SLC26A9: variants seen among roughly 807,000 people sequenced by gnomAD.
SLC26A9 encodes anion transporter/exchanger protein 9.
SLC26A9 carries 46 observed loss-of-function variants against 87.1 expected under a neutral mutation model. That is an observed-to-expected ratio of 0.53 (90% CI 0.42 to 0.67). The LOEUF is 0.67. SLC26A9 is among the 30% of genes least tolerant of loss of function. The probability of loss-of-function intolerance (pLI) is 0.00; values close to 1 mark genes in which losing one functional copy is unlikely to be tolerated. For missense variants in SLC26A9, 927 were observed against 1,018.3 expected, an observed-to-expected ratio of 0.91 and a Z score of 1.22; for synonymous variants, 437 against 409.1, an observed-to-expected ratio of 1.07 and a Z score of -0.82.
intron 16 of SLC26A9, among the ~76,000 whole-genome samples, chr1:205,922,374 T>G (rs543906423): frequency 2.8e-4 from 43 of 152,310 alleles, no homozygotes; most frequent in African/African-American, 1.0e-3. Context: ...CCTGAACTCA[T>G]GAGAGTGATT....
In SLC26A9 at chr1:205,915,308, G is replaced by A; in HGVS notation, c.*49C>T. On this transcript the variant is annotated 3_prime_UTR_variant, in exon 21 of 21. Coordinates refer to ENST00000367135, the MANE Select transcript of SLC26A9 (RefSeq NM_052934.4). ...GACCCCAGGCTCATCCTTTATGGAA[G>A]TCCCAAGTGCCAGGCACTCTGTAGG... 3.1e-6 allele frequency: 5 copies of A among 1,613,348 alleles called. No homozygotes were observed. The highest frequency in any genetic ancestry group is 4.2e-6 in the Non-Finnish European group (5 of 1,179,576).
At chr1:205,942,128 T>G (rs567295482) in intron 1 of SLC26A9, among the ~76,000 whole-genome samples, 1 of 152,360 alleles carries the variant, frequency 6.6e-6, no homozygotes, top group Admixed American at 6.5e-5. Context: ...TCTTGAATAC[T>G]GGGTATATGC....
At chr1:205,920,326 A>G in intron 17 of SLC26A9, 96 bp from the exon 18 acceptor site, 1 of 1,465,946 alleles carries the variant, frequency 6.8e-7, no homozygotes, top group Non-Finnish European at 9.5e-7. Context: ...GGGGAAGCCA[A>G]ACAAATAAGC....
chr1:205,934,946 C>T (rs1356131254), intron 2 of SLC26A9, among the ~76,000 whole-genome samples: 2 of 152,198 alleles, frequency 1.3e-5, no homozygotes, highest in Non-Finnish European at 2.9e-5. Context: ...CCAGTGACCT[C>T]AATCCAGGTA....
chr1:205,935,887 T>G, intron 1 of SLC26A9, 49 bp from the exon 2 acceptor site: 1 of 1,558,540 alleles, frequency 6.4e-7, no homozygotes, highest in South Asian at 1.2e-5. Flanking sequence ...CCCTCCCTAG[T>G]GCCAGCCCAG....
chr1:205,929,276 C>A lies in SLC26A9; in HGVS notation c.798G>T (p.Leu266=). Residue 266 remains leucine, a synonymous_variant, in exon 7 of 21, where the codon CTG becomes CTT. Transcript: ENST00000367135. ...GAGCATTGAGCTCCTTCACCAGCAC[C>A]AGGAAGGCACCGCTGATGAGAGCGA... The part of the protein sequence containing the change: ...LIFALISGAF[L]VLVKELNARY... 6.2e-7 allele frequency: 1 copy of A among 1,614,216 alleles called. No individual in the cohort carries two copies. Among genetic ancestry groups the A allele is most frequent in the Non-Finnish European group, 8.5e-7 (1 of 1,180,050 alleles).
At chr1:205,926,188 T>G (rs1225085271) in intron 12 of SLC26A9, among the ~76,000 whole-genome samples, 1 of 152,206 alleles carries the variant, frequency 6.6e-6, no homozygotes, top group African/African-American at 2.4e-5. Flanking sequence ...TAAGCTTTAT[T>G]GAGTATAAAA....
At chr1:205,939,100 C>G (rs1659636002) in intron 1 of SLC26A9, among the ~76,000 whole-genome samples, 1 of 152,220 alleles carries the variant, frequency 6.6e-6, no homozygotes. Context: ...GGAGAAGGCT[C>G]TGGGAGCTTT....
chr1:205,914,833 C>G lies in SLC26A9; in HGVS notation c.*524G>C, dbSNP rs573640097. On this transcript the variant is annotated 3_prime_UTR_variant, in exon 21 of 21. Transcript: ENST00000367135. ...CACATGGTCCCTGGGTGCAGAGCTGCCAGAGACAGAGTTGAGGCAGCTGGG... is the reference window on the plus strand; with the variant it reads ...CACATGGTCCCTGGGTGCAGAGCTGGCAGAGACAGAGTTGAGGCAGCTGGG... 6.4e-7 allele frequency: 1 copy of G among 1,562,976 alleles called. No individual in the cohort carries two copies. Among genetic ancestry groups the G allele is most frequent in the Non-Finnish European group, 8.7e-7 (1 of 1,151,652 alleles).
chr1:205,915,217 G>C lies in SLC26A9; in HGVS notation c.*140C>G. 6.2e-7 allele frequency: 1 copy of C among 1,606,298 alleles called. No individual in the cohort carries two copies. Among genetic ancestry groups the C allele is most frequent in the Non-Finnish European group, 8.5e-7 (1 of 1,175,324 alleles). On this transcript the variant is annotated 3_prime_UTR_variant, in exon 21 of 21. Transcript: ENST00000367135. ...GCGGGGAGGGAAGGAAGGGAGGAGA[G>C]AGGGGGAGAGGAGAGAGGAACCCAA...
At chr1:205,940,841 G>A (rs1047617370) in intron 1 of SLC26A9, among the ~76,000 whole-genome samples, 1 of 152,178 alleles carries the variant, frequency 6.6e-6, no homozygotes, top group African/African-American at 2.4e-5. Context: ...GGTTTTTGAC[G>A]CATGTGTGCC....
chr1:205,915,115 G>T lies in SLC26A9; in HGVS notation c.*242C>A. 2 of 1,613,938 alleles carry T rather than the reference G, an allele frequency of 1.2e-6. No individual in the cohort carries two copies. Among genetic ancestry groups the T allele is most frequent in the Non-Finnish European group, 1.7e-6 (2 of 1,179,886 alleles). On this transcript the variant is annotated 3_prime_UTR_variant, in exon 21 of 21. Coordinates refer to ENST00000367135, the MANE Select transcript of SLC26A9 (RefSeq NM_052934.4). ...GTCCATTGCGGCCAGGGCCTGACGG[G>T]TGAAGAGTGGGCTCACCAGACTCTC...
chr1:205,922,192 A>C (rs1658868855), intron 16 of SLC26A9, among the ~76,000 whole-genome samples: 1 of 152,216 alleles, frequency 6.6e-6, no homozygotes, highest in Non-Finnish European at 1.5e-5. Flanking sequence ...GCTGGAGTGC[A>C]GTGGCACTAT....
intron 6 of SLC26A9, 129 bp from the exon 7 acceptor site, chr1:205,929,485 C>T (rs1268007307): frequency 7.2e-7 from 1 of 1,396,282 alleles, no homozygotes; most frequent in East Asian, 2.5e-5. Context: ...GAATTAAAAC[C>T]CTGATCAGGA....
intron 1 of SLC26A9, among the ~76,000 whole-genome samples, chr1:205,936,437 G>GCT (rs1317350745): frequency 6.6e-6 from 1 of 152,100 alleles, no homozygotes; most frequent in Non-Finnish European, 1.5e-5. Context: ...CCACCTGCCG[G>GCT]CTCTCTCTCC....
intron 1 of SLC26A9, among the ~76,000 whole-genome samples, chr1:205,942,418 C>T (rs1186192537): frequency 1.3e-5 from 2 of 152,202 alleles, no homozygotes; most frequent in Non-Finnish European, 2.9e-5. Flanking sequence ...AGGGGGAAAG[C>T]CCTCTCTCAG....
At chr1:205,926,797 G>T (rs1209769026) in intron 11 of SLC26A9, among the ~76,000 whole-genome samples, 167 bp from the exon 12 acceptor site, 1 of 152,178 alleles carries the variant, frequency 6.6e-6, no homozygotes, top group African/African-American at 2.4e-5. Context: ...GAAAGTGCTG[G>T]CGTTAGAGCC....
Position 205,931,853 on chromosome 1 carries a change from C to A in SLC26A9, c.552+7G>T. On this transcript the variant is annotated splice_region_variant and intron_variant, in intron 5 of 20. Transcript: ENST00000367135. ...CCTTCTAGCAGGGTTGGGGGCTGCCCCCTCACCTGGATGATGGCGGTGAGG... is the reference window on the plus strand; with the variant it reads ...CCTTCTAGCAGGGTTGGGGGCTGCCACCTCACCTGGATGATGGCGGTGAGG... The A allele has an allele frequency of 6.2e-7, 1 of 1,611,186 alleles. No individual in the cohort carries two copies. The highest frequency in any genetic ancestry group is 8.5e-7 in the Non-Finnish European group (1 of 1,178,690).
At chr1:205,925,555 T>C (rs1488044162) in intron 12 of SLC26A9, among the ~76,000 whole-genome samples, 2 of 152,222 alleles carry the variant, frequency 1.3e-5, no homozygotes, top group Non-Finnish European at 2.9e-5. Flanking sequence ...TTTTTCTCCC[T>C]GTCCTCATCA....
Sources: allele counts gnomAD v4.1 joint callset (sites outside exome capture counted in the v4.1 genomes callset), GRCh38; gene constraint gnomAD v4.1.1; transcripts MANE v1.5; gene names NCBI Gene and HGNC (gene_info 2026-07-23, HGNC 2026-07-21).